Variants in CACNA1S observed in about 807,000 individuals in gnomAD.
CACNA1S encodes the protein voltage-dependent L-type calcium channel subunit alpha-1S.
In CACNA1S, 126 loss-of-function variants were observed where a neutral mutation model predicts 207.4. The observed-to-expected ratio is 0.61, with a 90% CI of 0.53 to 0.70. The LOEUF is 0.70. Ranked by LOEUF, CACNA1S falls within the 30% of genes least tolerant of loss-of-function variation. The pLI is 0.00. For missense variants in CACNA1S, 2,349 were observed against 2,422.8 expected (o/e 0.97, Z 0.64); for synonymous variants, 960 against 932.7 (o/e 1.03, Z -0.53).
At position 201,102,175 on chromosome 1, in the gene CACNA1S, A is replaced by G. The variant is rs369904018; in HGVS notation, c.258+7989T>C. Reference sequence around the variant, plus strand: ...CGTGACCTGAAGACAAGAAAGGGGGAGGAGGGGGTCCTCCTGGAGTCCAGT... The same window carrying G: ...CGTGACCTGAAGACAAGAAAGGGGGGGGAGGGGGTCCTCCTGGAGTCCAGT... On this transcript the variant is annotated intron_variant, in intron 2 of 43. Transcript: ENST00000362061. Among the ~76,000 whole-genome samples the G allele has an allele frequency of 7.2e-5, 11 of 152,176 alleles. No homozygotes were observed. In the South Asian group the frequency reaches 2.1e-3, roughly 29 times the overall value.
At chr1:201,080,196 T>C (rs1229755946) in intron 10 of CACNA1S, among the ~76,000 whole-genome samples, 2 of 152,212 alleles carry the variant, frequency 1.3e-5, no homozygotes, top group Non-Finnish European at 2.9e-5. Flanking sequence ...TTTTTCTGTC[T>C]GCTACCTTGA....
chr1:201,072,640 C>T (rs967168768), intron 16 of CACNA1S, 115 bp downstream of exon 16: 1 of 798,444 alleles, frequency 1.3e-6, no homozygotes, highest in South Asian at 1.3e-5. Flanking sequence ...CTGATCTCCA[C>T]ATGGAGGGGT....
chr1:201,050,152 T>C (rs1339730929), intron 34 of CACNA1S, among the ~76,000 whole-genome samples: 2 of 152,062 alleles, frequency 1.3e-5, no homozygotes. Context: ...CCTAGGAGTG[T>C]TCAAGCAGGA....
chr1:201,064,557 G>T (rs1661178238), intron 22 of CACNA1S, among the ~76,000 whole-genome samples: 1 of 152,218 alleles, frequency 6.6e-6, no homozygotes, highest in African/African-American at 2.4e-5. Flanking sequence ...ATGAATGATT[G>T]TAAGATGATG....
intron 36 of CACNA1S, among the ~76,000 whole-genome samples, chr1:201,047,837 C>T (rs1660518706): frequency 6.6e-6 from 1 of 152,212 alleles, no homozygotes; most frequent in African/African-American, 2.4e-5. Context: ...GTACTTTCTC[C>T]CCACAGGCCT....
chr1:201,097,389 G>A (rs1056746847), intron 2 of CACNA1S, among the ~76,000 whole-genome samples: 7 of 151,900 alleles, frequency 4.6e-5, no homozygotes, highest in Admixed American at 6.6e-5. Flanking sequence ...TGGCCACCCC[G>A]TCAATCATGT....
rs545690903 is a variant in CACNA1S, at chr1:201,107,908, G to C, written c.258+2256C>G. 1.1e-4 allele frequency among the ~76,000 whole-genome samples: 17 copies of C among 152,282 alleles called. 1 individual carries two copies. In the South Asian group the frequency reaches 3.5e-3, roughly 32 times the overall value. On this transcript the variant is annotated intron_variant, in intron 2 of 43. Transcript: ENST00000362061. ...AGCTCTGACATGCCAGGTGGCATTT[G>C]CTGCTTTGGAAACATTTCTGATTAG...
chr1:201,101,697 A>G (rs1195756418), intron 2 of CACNA1S, among the ~76,000 whole-genome samples: 1 of 152,230 alleles, frequency 6.6e-6, no homozygotes, highest in African/African-American at 2.4e-5. Flanking sequence ...GGGAGCATGC[A>G]GGATGAACAG....
Position 201,075,591 on chromosome 1 carries a change from A to C in CACNA1S, c.1852T>G (p.Ser618Ala), listed in dbSNP as rs149195094. ...FQVLTGEDWT[S>A]MMYNGIMAYG... ...GCCATGATCCCATTGTACATCATTG[A>C]GGTCCAGTCTTCCCCTGTCAGTACC... Residue 618 changes from serine (S) to alanine (A), a missense_variant, in exon 13 of 44, where the codon TCA (serine) becomes GCA (alanine). Transcript: ENST00000362061. The C allele has an allele frequency of 1.2e-5, 20 of 1,614,020 alleles. No homozygotes were observed. The highest frequency in any genetic ancestry group is 6.7e-5 in the African/African-American group (5 of 74,936).
intron 18 of CACNA1S, 86 bp downstream of exon 18, chr1:201,069,386 A>T: frequency 6.4e-7 from 1 of 1,560,178 alleles, no homozygotes. Flanking sequence ...TTGTAGCCAC[A>T]TAGAGGATAC....
intron 7 of CACNA1S, among the ~76,000 whole-genome samples, chr1:201,086,461 G>A (rs1410973051): frequency 6.6e-6 from 1 of 152,238 alleles, no homozygotes; most frequent in African/African-American, 2.4e-5. Flanking sequence ...CACAAACCTA[G>A]ATGGGAGAGC....
In CACNA1S at chr1:201,062,064, C is replaced by T; in HGVS notation, c.2933G>A (p.Gly978Glu). The change falls in exon 24 of 44, where the codon GGG (glycine) becomes GAG (glutamate). Residue 978 changes from glycine (G) to glutamate (E), a missense_variant. By Grantham distance (98) the Gly-to-Glu change is moderately conservative (BLOSUM62 -2). Coordinates refer to ENST00000362061, the MANE Select transcript of CACNA1S (RefSeq NM_000069.3). ...ACGCAGCTCTATCTGCATGGGGTCC[C>T]CGTCCTTGTACACGTAGTAGTAGCC... ...CRGYYYVYKD[G>E]DPMQIELRHR... 6.2e-7 allele frequency: 1 copy of T among 1,614,056 alleles called. No individual in the cohort carries two copies. Among genetic ancestry groups the T allele is most frequent in the Non-Finnish European group, 8.5e-7 (1 of 1,179,978 alleles).
At position 201,040,085 on chromosome 1, in the gene CACNA1S, G is replaced by T. The variant is rs774557359; in HGVS notation, c.5371-3C>A. The T allele has an allele frequency of 1.2e-6, 2 of 1,614,058 alleles. No individual in the cohort carries two copies. The highest frequency in any genetic ancestry group is 4.5e-5 in the East Asian group (2 of 44,896). On this transcript the variant is annotated splice_region_variant and splice_polypyrimidine_tract_variant and intron_variant, in intron 43 of 43. Coordinates refer to ENST00000362061, the MANE Select transcript of CACNA1S (RefSeq NM_000069.3). ...CCCAGGCCCCCTCGAACCAGAGCCT[G>T]CAGGGAGGAGAGTAGGCTGAGTGGG... is the stretch of plus-strand genomic sequence containing the variant.
intron 2 of CACNA1S, among the ~76,000 whole-genome samples, chr1:201,105,145 A>G (rs1248489997): frequency 1.3e-5 from 2 of 152,264 alleles, no homozygotes; most frequent in African/African-American, 4.8e-5. Flanking sequence ...ACACAGAGTT[A>G]AAGAGAAATC....
At chr1:201,047,368 G>A in intron 37 of CACNA1S, 129 bp from the exon 38 acceptor site, 3 of 1,375,268 alleles carry the variant, frequency 2.2e-6, no homozygotes, top group East Asian at 4.8e-5. Flanking sequence ...TGGTCACTGG[G>A]CACTTTCCAT....
At position 201,066,397 on chromosome 1, in the gene CACNA1S, C is replaced by G; in HGVS notation, c.2658-81G>C. ...CTGCGGTGGAGCCTCCAGCCATATC[C>G]TGCCCTCCACACCAGCTGCCTTTCT... On this transcript the variant is annotated intron_variant, in intron 20 of 43. Transcript: ENST00000362061. The surrounding 1 kb of genome is among the most constrained non-coding windows in gnomAD (Gnocchi z 4.3). 8.6e-7 allele frequency: 1 copy of G among 1,160,410 alleles called. No individual in the cohort carries two copies. Among genetic ancestry groups the G allele is most frequent in the South Asian group, 1.2e-5 (1 of 82,348 alleles). 71.9% of individuals were successfully genotyped at this position (1,160,410 alleles called of 1,614,324 possible).
At chr1:201,059,757 G>A (rs147553146) in intron 26 of CACNA1S, among the ~76,000 whole-genome samples, 11 of 152,314 alleles carry the variant, frequency 7.2e-5, no homozygotes, top group African/African-American at 2.4e-4. Context: ...GAAACTGAGA[G>A]CTCACCAAGC....
intron 10 of CACNA1S, among the ~76,000 whole-genome samples, chr1:201,080,730 C>A (rs539845981): frequency 1.1e-4 from 15 of 133,000 alleles, no homozygotes; most frequent in East Asian, 4.1e-4. Context: ...ATTTGGTTTG[C>A]AGTTTTTTTT....
chr1:201,054,207 C>T (rs779847573), intron 29 of CACNA1S, among the ~76,000 whole-genome samples: 1 of 152,216 alleles, frequency 6.6e-6, no homozygotes, highest in Non-Finnish European at 1.5e-5. Flanking sequence ...TCACTAAGGT[C>T]CTTTGCCAGC....
Sources: allele counts gnomAD v4.1 joint callset (sites outside exome capture counted in the v4.1 genomes callset), GRCh38; gene constraint gnomAD v4.1.1; non-coding constraint Gnocchi (gnomAD v3.1); transcripts MANE v1.5; gene names NCBI Gene and HGNC (gene_info 2026-07-23, HGNC 2026-07-21).